Variants in ITGBL1 observed in about 807,000 individuals in gnomAD.
The protein encoded by ITGBL1 is integrin beta-like protein 1.
ITGBL1 carries 51 observed loss-of-function variants against 68.5 expected under a neutral mutation model. The ratio of observed to expected loss-of-function variants is 0.74; its 90% CI spans 0.59 to 0.94. The LOEUF (loss-of-function observed/expected upper bound fraction) is 0.94, where lower values mean the gene tolerates loss of function less well. ITGBL1 is among the 40% of genes least tolerant of loss of function. The pLI is 0.00. For synonymous variants in ITGBL1, 209 were observed against 227.3 expected (o/e 0.92, Z 0.72); for missense variants, 649 against 647.4 (o/e 1.00, Z -0.03).
intron 7 of ITGBL1, among the ~76,000 whole-genome samples, chr13:101,604,367 A>G (rs2030565993): frequency 1.3e-5 from 2 of 151,854 alleles, no homozygotes; most frequent in Non-Finnish European, 2.9e-5. Flanking sequence ...TTTAAACTTT[A>G]TTTTATTAAA....
intron 2 of ITGBL1, among the ~76,000 whole-genome samples, chr13:101,497,665 C>T (rs1006289660): frequency 6.6e-6 from 1 of 152,180 alleles, no homozygotes; most frequent in African/African-American, 2.4e-5. Context: ...AAGGTGCTCA[C>T]TGTCTCTAGT....
chr13:101,534,048 T>C (rs1238005994), intron 2 of ITGBL1, among the ~76,000 whole-genome samples: 1 of 152,182 alleles, frequency 6.6e-6, no homozygotes, highest in Non-Finnish European at 1.5e-5. Flanking sequence ...AAGACAAAGA[T>C]AGTTTTTCAA....
chr13:101,589,676 TA>T (rs2050617860), intron 6 of ITGBL1, among the ~76,000 whole-genome samples: 1 of 152,182 alleles, frequency 6.6e-6, no homozygotes, highest in Non-Finnish European at 1.5e-5. Flanking sequence ...TACAATCTCT[TA>T]AATTCATCCC....
chr13:101,527,307 AG>A (rs1244588973), intron 2 of ITGBL1, among the ~76,000 whole-genome samples: 4 of 152,130 alleles, frequency 2.6e-5, no homozygotes, highest in Non-Finnish European at 5.9e-5. Context: ...TGTTGTTAAA[AG>A]TTAGTTTGCA....
chr13:101,604,865 T>TACAC lies in ITGBL1; in HGVS notation c.1015+6567_1015+6568insCACA, dbSNP rs1413215234. 3.9e-4 allele frequency among the ~76,000 whole-genome samples: 7 copies of TACAC among 17,976 alleles called. 1 individual carries two copies. The highest frequency in any genetic ancestry group is 9.5e-4 in the Non-Finnish European group (7 of 7,372). 11.8% of individuals were successfully genotyped at this position (17,976 alleles called of 152,430 possible). On this transcript the variant is annotated intron_variant, in intron 7 of 10. Transcript: ENST00000376180. ...AAGGCAATATATATATATATATATA[T>TACAC]ATATATATATATATATATATATACA...
At chr13:101,681,054 G>T (rs903174029) in intron 7 of ITGBL1, among the ~76,000 whole-genome samples, 2 of 152,032 alleles carry the variant, frequency 1.3e-5, no homozygotes, top group East Asian at 3.9e-4. Flanking sequence ...TCTTTCTTTT[G>T]TATCTCAATA....
intron 7 of ITGBL1, among the ~76,000 whole-genome samples, chr13:101,658,891 A>G: frequency 6.8e-6 from 1 of 147,670 alleles, no homozygotes; most frequent in East Asian, 2.0e-4. Context: ...TAAATAATAA[A>G]AAATAATAAA....
At chr13:101,535,719 C>T (rs1010652206) in intron 2 of ITGBL1, among the ~76,000 whole-genome samples, 5 of 152,024 alleles carry the variant, frequency 3.3e-5, no homozygotes, top group African/African-American at 9.7e-5. Flanking sequence ...ACAACTTGTT[C>T]GGAGATGTTC....
intron 7 of ITGBL1, among the ~76,000 whole-genome samples, chr13:101,656,938 A>G (rs1594959383): frequency 1.4e-5 from 2 of 140,460 alleles, no homozygotes; most frequent in African/African-American, 5.3e-5. Flanking sequence ...TATTGCTTCT[A>G]TTTTTTTTTC....
At chr13:101,461,736 G>A (rs982134881) in intron 2 of ITGBL1, among the ~76,000 whole-genome samples, 2 of 152,084 alleles carry the variant, frequency 1.3e-5, no homozygotes, top group African/African-American at 2.4e-5. Flanking sequence ...AGAGAGCCCC[G>A]TTATCATTCT....
chr13:101,491,922 G>T (rs2139062580), intron 2 of ITGBL1, among the ~76,000 whole-genome samples: 1 of 152,200 alleles, frequency 6.6e-6, no homozygotes, highest in South Asian at 2.1e-4. Flanking sequence ...TGAGAATGGT[G>T]GTTTCCACCT....
intron 2 of ITGBL1, among the ~76,000 whole-genome samples, chr13:101,454,531 A>G (rs969316978): frequency 6.6e-6 from 1 of 151,970 alleles, no homozygotes; most frequent in African/African-American, 2.4e-5. Context: ...CTTGCCTCTA[A>G]AGTTCCTCAT....
At chr13:101,464,943 TG>T (rs2048363803) in intron 2 of ITGBL1, among the ~76,000 whole-genome samples, 1 of 152,240 alleles carries the variant, frequency 6.6e-6, no homozygotes, top group Admixed American at 6.5e-5. Context: ...ATGCCACATG[TG>T]TAAACCTGCT....
At chr13:101,700,049 C>T (rs2034098811) in intron 8 of ITGBL1, among the ~76,000 whole-genome samples, 1 of 152,196 alleles carries the variant, frequency 6.6e-6, no homozygotes, top group South Asian at 2.1e-4. Context: ...TGGATAGCTG[C>T]TTCACTTCTA....
At chr13:101,568,453 G>A (rs779777522) in intron 3 of ITGBL1, among the ~76,000 whole-genome samples, 1 of 152,030 alleles carries the variant, frequency 6.6e-6, no homozygotes, top group African/African-American at 2.4e-5. Flanking sequence ...GAGTGTTACC[G>A]TAATTAAATA....
At chr13:101,503,207 G>A (rs1329622686) in intron 2 of ITGBL1, among the ~76,000 whole-genome samples, 2 of 152,144 alleles carry the variant, frequency 1.3e-5, no homozygotes, top group African/African-American at 4.8e-5. Flanking sequence ...AAAGGATCTG[G>A]ATCTCCTGAA....
chr13:101,568,252 A>AG (rs1275709330), intron 3 of ITGBL1, among the ~76,000 whole-genome samples: 1 of 152,196 alleles, frequency 6.6e-6, no homozygotes, highest in Non-Finnish European at 1.5e-5. Flanking sequence ...ATTTGATAGA[A>AG]GTTTCAGATA....
intron 6 of ITGBL1, among the ~76,000 whole-genome samples, chr13:101,587,869 T>G (rs1048087564): frequency 6.6e-6 from 1 of 152,212 alleles, no homozygotes; most frequent in African/African-American, 2.4e-5. Context: ...TACCTAGATC[T>G]AAGTTATTCC....
At chr13:101,475,678 A>G (rs2048526335) in intron 2 of ITGBL1, among the ~76,000 whole-genome samples, 1 of 152,134 alleles carries the variant, frequency 6.6e-6, no homozygotes, top group African/African-American at 2.4e-5. Context: ...TTAAATTAGC[A>G]AGAGAAAAGA....
Sources: allele counts gnomAD v4.1 joint callset (sites outside exome capture counted in the v4.1 genomes callset), GRCh38; gene constraint gnomAD v4.1.1; transcripts MANE v1.5; gene names NCBI Gene and HGNC (gene_info 2026-07-23, HGNC 2026-07-21).